FAP: variants seen among roughly 807,000 people sequenced by gnomAD.
FAP encodes fibroblast activation protein alpha, also known as prolyl endopeptidase FAP.
FAP carries 110 observed loss-of-function variants against 126.5 expected under a neutral mutation model. The observed-to-expected ratio is 0.87, with a 90% CI of 0.74 to 1.02. The LOEUF (loss-of-function observed/expected upper bound fraction) is 1.02, where lower values mean the gene tolerates loss of function less well. FAP is among the 50% of genes least tolerant of loss of function. The pLI is 0.00. For missense variants in FAP, 919 were observed against 909.2 expected, an observed-to-expected ratio of 1.01 and a Z score of -0.14; for synonymous variants, 334 against 297.3, an observed-to-expected ratio of 1.12 and a Z score of -1.27.
At chr2:162,226,217 T>G (rs535417751) in intron 3 of FAP, among the ~76,000 whole-genome samples, 1 of 152,158 alleles carries the variant, frequency 6.6e-6, no homozygotes, top group African/African-American at 2.4e-5. Flanking sequence ...TTTTTGTGAC[T>G]TCTCCTAAAT....
At position 162,190,395 on chromosome 2, in the gene FAP, TAC is replaced by T. The variant is rs561098256; in HGVS notation, c.1451-643_1451-642del. On this transcript the variant is annotated intron_variant, in intron 17 of 25. Coordinates refer to ENST00000188790, the MANE Select transcript of FAP (RefSeq NM_004460.5). ...GTAAGACAACAATATATATTGTGTA[TAC>T]ACACACACACACACACAAACACACA... 1.9e-3 allele frequency among the ~76,000 whole-genome samples: 284 copies of T among 150,152 alleles called. 3 individuals are homozygous for T. Among genetic ancestry groups the T allele is most frequent in the South Asian group, 0.016 (77 of 4,774 alleles).
chr2:162,197,693 G>A (rs1439377299), intron 16 of FAP: 2 of 455,888 alleles, frequency 4.4e-6, no homozygotes, highest in Non-Finnish European at 8.8e-6. Context: ...GCATGTTAGG[G>A]TAGCCTTCAT....
At chr2:162,216,122 A>T (rs1689153257) in intron 9 of FAP, 121 bp from the exon 10 acceptor site, 22 of 635,406 alleles carry the variant, frequency 3.5e-5, no homozygotes, top group Admixed American at 2.0e-4. Context: ...ATCACTGTGG[A>T]ATACATTCTA....
At chr2:162,173,660 G>T (rs763685446) in intron 23 of FAP, 63 bp downstream of exon 23, 53 of 1,128,082 alleles carry the variant, frequency 4.7e-5, no homozygotes, top group Non-Finnish European at 6.4e-5. Context: ...CTGAACTACT[G>T]CTTTTAAGTT....
At chr2:162,214,211 C>T (rs898249943) in intron 10 of FAP, 138 bp from the exon 11 acceptor site, 3 of 620,960 alleles carry the variant, frequency 4.8e-6, no homozygotes, top group Non-Finnish European at 7.4e-6. Flanking sequence ...ACAAAACATT[C>T]CTTTCTCTGG....
intron 12 of FAP, among the ~76,000 whole-genome samples, chr2:162,207,708 G>A (rs1229610151): frequency 6.7e-6 from 1 of 149,256 alleles, no homozygotes; most frequent in Non-Finnish European, 1.5e-5. Context: ...TGCCTCCACT[G>A]AGGGCATTTT....
chr2:162,237,461 C>T (rs1180221592), intron 2 of FAP, among the ~76,000 whole-genome samples: 1 of 152,066 alleles, frequency 6.6e-6, no homozygotes, highest in African/African-American at 2.4e-5. Flanking sequence ...TAAGTGAGAA[C>T]ATGCAGTGTT....
At chr2:162,229,398 A>G (rs1390084319) in intron 2 of FAP, among the ~76,000 whole-genome samples, 1 of 152,182 alleles carries the variant, frequency 6.6e-6, no homozygotes, top group African/African-American at 2.4e-5. Flanking sequence ...AATATCTACT[A>G]AAACCACAGT....
intron 9 of FAP, among the ~76,000 whole-genome samples, chr2:162,216,383 G>A (rs1010619318): frequency 6.6e-6 from 1 of 152,100 alleles, no homozygotes; most frequent in Non-Finnish European, 1.5e-5. Flanking sequence ...GAGTTCAGAG[G>A]GTGATTAATT....
chr2:162,239,652 T>C (rs1196219293), intron 2 of FAP, among the ~76,000 whole-genome samples: 2 of 152,160 alleles, frequency 1.3e-5, no homozygotes, highest in Non-Finnish European at 2.9e-5. Context: ...TTCTCAACAA[T>C]GGAAGAACAC....
At chr2:162,179,196 G>A (rs1248287126) in intron 21 of FAP, among the ~76,000 whole-genome samples, 1 of 149,830 alleles carries the variant, frequency 6.7e-6, no homozygotes, top group African/African-American at 2.5e-5. Flanking sequence ...ATAAGGAATT[G>A]TGGAATCAAA....
At chr2:162,216,140 C>G in intron 9 of FAP, 139 bp from the exon 10 acceptor site, 1 of 593,402 alleles carries the variant, frequency 1.7e-6, no homozygotes, top group Non-Finnish European at 2.9e-6. Context: ...CTATTTATAA[C>G]ACGACAAGGA....
intron 21 of FAP, among the ~76,000 whole-genome samples, chr2:162,177,543 C>T (rs1174727518): frequency 3.3e-5 from 5 of 152,282 alleles, no homozygotes; most frequent in Non-Finnish European, 7.3e-5. Flanking sequence ...TTTCCACAGA[C>T]ACTGGCATGC....
chr2:162,197,829 T>G, intron 16 of FAP: 1 of 343,170 alleles, frequency 2.9e-6, no homozygotes, highest in South Asian at 2.3e-5. Flanking sequence ...AACAGGAGGG[T>G]AGCATACATT....
intron 21 of FAP, 91 bp from the exon 22 acceptor site, chr2:162,175,057 G>T: frequency 2.3e-6 from 2 of 861,930 alleles, no homozygotes; most frequent in Non-Finnish European, 3.8e-6. Context: ...AATCCGGACT[G>T]AAGGGAGCTG....
intron 20 of FAP, among the ~76,000 whole-genome samples, chr2:162,185,252 G>A (rs968947377): frequency 1.2e-4 from 19 of 152,264 alleles, no homozygotes; most frequent in Admixed American, 7.9e-4. Flanking sequence ...CCAAGGCCAA[G>A]GTAAACTTGG....
chr2:162,172,004 G>T (rs1420875751), intron 25 of FAP: 1 of 151,882 alleles, frequency 6.6e-6, no homozygotes, highest in Non-Finnish European at 1.5e-5. Context: ...TCAAATACTA[G>T]AACTTATTTT....
At chr2:162,208,965 AG>A (rs1688817701) in intron 12 of FAP, among the ~76,000 whole-genome samples, 1 of 152,070 alleles carries the variant, frequency 6.6e-6, no homozygotes, top group Non-Finnish European at 1.5e-5. Flanking sequence ...TTAACGGCAG[AG>A]TATAAATTAA....
intron 24 of FAP, 44 bp from the exon 25 acceptor site, chr2:162,172,928 A>C (rs1426471680): frequency 6.8e-7 from 1 of 1,469,912 alleles, no homozygotes; most frequent in African/African-American, 1.4e-5. Flanking sequence ...TAAATACCAG[A>C]AAGCATAGAG....
Sources: gnomAD v4.1 joint callset for allele counts (sites outside exome capture counted in the v4.1 genomes callset) on GRCh38, gnomAD v4.1.1 for gene constraint, MANE v1.5 for transcripts, NCBI Gene and HGNC (gene_info 2026-07-23, HGNC 2026-07-21) for gene names.